Variants in SFMBT2 observed in about 807,000 individuals in gnomAD.
SFMBT2 encodes the protein Scm like with four mbt domains 2, also known as scm-like with four MBT domains protein 2.
SFMBT2 carries 38 observed loss-of-function variants against 110.1 expected under a neutral mutation model. The observed-to-expected ratio is 0.35, with a 90% CI of 0.27 to 0.45. The LOEUF (loss-of-function observed/expected upper bound fraction) is 0.45. Among genes scored for constraint, SFMBT2 ranks in the 20% least tolerant of loss-of-function variants. The pLI, the probability that SFMBT2 is intolerant of heterozygous loss-of-function variation, is 1.00. For synonymous variants in SFMBT2, 425 were observed against 425.4 expected, an observed-to-expected ratio of 1.00 and a Z score of 0.01; for missense variants, 1,011 against 1,094.9, an observed-to-expected ratio of 0.92 and a Z score of 1.08.
At chr10:7,306,414 G>T (rs949458043) in intron 4 of SFMBT2, among the ~76,000 whole-genome samples, 2 of 152,210 alleles carry the variant, frequency 1.3e-5, no homozygotes, top group Admixed American at 6.5e-5. Flanking sequence ...TTGGAGCACA[G>T]CCACGTCATT....
chr10:7,368,274 C>T (rs146357824), intron 3 of SFMBT2: 146 of 910,754 alleles, frequency 1.6e-4, no homozygotes, highest in Middle Eastern at 1.1e-3. Context: ...GTGGACTACA[C>T]GGTTTTCAAG....
At chr10:7,340,220 A>G (rs1171579990) in intron 4 of SFMBT2, among the ~76,000 whole-genome samples, 1 of 152,160 alleles carries the variant, frequency 6.6e-6, no homozygotes, top group East Asian at 1.9e-4. Context: ...AAGCGAAAAT[A>G]TATTTAGCAT....
intron 4 of SFMBT2, among the ~76,000 whole-genome samples, chr10:7,315,266 C>T (rs1021634396): frequency 1.3e-5 from 2 of 152,122 alleles, no homozygotes; most frequent in African/African-American, 4.8e-5. Flanking sequence ...TTCTGGCTGA[C>T]ATTAGCATTT....
At chr10:7,342,743 C>T (rs1382067310) in intron 4 of SFMBT2, among the ~76,000 whole-genome samples, 1 of 152,126 alleles carries the variant, frequency 6.6e-6, no homozygotes, top group Non-Finnish European at 1.5e-5. Flanking sequence ...TACCTAACTC[C>T]ATTATTAAAA....
Position 7,363,424 on chromosome 10 carries a change from C to T in SFMBT2, c.436+4225G>A, listed in dbSNP as rs1053814977. On this transcript the variant is annotated intron_variant, in intron 4 of 20. Transcript: ENST00000397167. ...AGTGCAGTGGCGCGATCTCGGCTCA[C>T]GGCAACCTTTGCCTCCTGGGTTCAA... 2.6e-5 allele frequency among the ~76,000 whole-genome samples: 4 copies of T among 151,990 alleles called. No individual in the cohort carries two copies. In the East Asian group the frequency reaches 5.8e-4, roughly 22 times the overall value.
intron 3 of SFMBT2, among the ~76,000 whole-genome samples, chr10:7,369,202 T>C (rs1321398510): frequency 1.3e-5 from 2 of 152,198 alleles, no homozygotes; most frequent in African/African-American, 4.8e-5. Context: ...AAGTTCTGGC[T>C]TCTTCATTCA....
intron 4 of SFMBT2, among the ~76,000 whole-genome samples, chr10:7,345,300 T>G (rs1844074249): frequency 6.6e-6 from 1 of 152,186 alleles, no homozygotes. Flanking sequence ...AATACATAAT[T>G]ATCTCCTACA....
chr10:7,197,973 G>T (rs1048797654), intron 14 of SFMBT2: 3 of 984,672 alleles, frequency 3.0e-6, no homozygotes, highest in Non-Finnish European at 3.6e-6. Flanking sequence ...TTGAGAAAGA[G>T]GCGCTGTGTC....
intron 7 of SFMBT2, among the ~76,000 whole-genome samples, chr10:7,268,227 T>C (rs74411071): frequency 0.011 from 1,730 of 152,316 alleles, 31 homozygotes; most frequent in African/African-American, 0.039. Flanking sequence ...AATCCTTTAG[T>C]GGTCTCTTAG....
At chr10:7,300,036 A>G (rs972560626) in intron 4 of SFMBT2, among the ~76,000 whole-genome samples, 5 of 152,172 alleles carry the variant, frequency 3.3e-5, no homozygotes, top group Non-Finnish European at 5.9e-5. Context: ...TGAAGCTGGA[A>G]GTCATCATCC....
At chr10:7,207,186 C>T (rs1228025800) in intron 11 of SFMBT2, among the ~76,000 whole-genome samples, 1 of 151,980 alleles carries the variant, frequency 6.6e-6, no homozygotes, top group South Asian at 2.1e-4. Flanking sequence ...ATGAAGACAC[C>T]TTGTCTCTAC....
chr10:7,329,424 AC>A, intron 4 of SFMBT2: 1 of 985,154 alleles, frequency 1.0e-6, no homozygotes, highest in Non-Finnish European at 1.2e-6. Flanking sequence ...GGTGCTAAAG[AC>A]ATCCCCACAA....
chr10:7,258,278 G>A (rs111641195), intron 7 of SFMBT2, among the ~76,000 whole-genome samples: 403 of 152,246 alleles, frequency 2.6e-3, no homozygotes, highest in African/African-American at 8.8e-3. Context: ...AAAAGCTGCA[G>A]GAAATTCTCC....
intron 15 of SFMBT2, among the ~76,000 whole-genome samples, chr10:7,191,288 C>CA (rs1285315463): frequency 6.6e-6 from 1 of 152,212 alleles, no homozygotes; most frequent in Non-Finnish European, 1.5e-5. Flanking sequence ...TTTCTGTGTC[C>CA]ACAATGTCCC....
intron 9 of SFMBT2, among the ~76,000 whole-genome samples, chr10:7,232,431 T>G (rs1435259329): frequency 1.3e-5 from 2 of 151,350 alleles, no homozygotes; most frequent in Non-Finnish European, 2.9e-5. Context: ...CTGGTAACAC[T>G]GGAGGAAAAA....
chr10:7,338,440 T>G (rs1161063643), intron 4 of SFMBT2, among the ~76,000 whole-genome samples: 1 of 152,216 alleles, frequency 6.6e-6, no homozygotes, highest in Non-Finnish European at 1.5e-5. Flanking sequence ...TGAACACATA[T>G]TTTGTATGTT....
rs969391352 is a variant in SFMBT2, at chr10:7,405,495, T to C, written c.-52+5366A>G. Among the ~76,000 whole-genome samples the C allele has an allele frequency of 4.6e-5, 7 of 152,300 alleles. No homozygotes were observed. The East Asian group carries it at 5.8e-4, about 13-fold the overall frequency. ...ATGTGGAGCTTACCTCACTTAACAA[T>C]AGCACTTTACTCTGCAGCAGGGACC... On this transcript the variant is annotated intron_variant, in intron 1 of 20. Coordinates refer to ENST00000397167, the MANE Select transcript of SFMBT2 (RefSeq NM_001387889.1).
intron 10 of SFMBT2, among the ~76,000 whole-genome samples, chr10:7,221,076 T>G (rs1033339450): frequency 1.3e-5 from 2 of 151,242 alleles, no homozygotes; most frequent in Non-Finnish European, 2.9e-5. Context: ...TCCACCTGCC[T>G]CAGCCTCCCA....
At chr10:7,228,760 CT>C (rs1441370239) in intron 9 of SFMBT2, among the ~76,000 whole-genome samples, 6 of 132,814 alleles carry the variant, frequency 4.5e-5, no homozygotes, top group African/African-American at 1.5e-4. Flanking sequence ...CTCTCTCTCT[CT>C]CTCTCTCTCT....
Sources: gnomAD v4.1 joint callset for allele counts (sites outside exome capture counted in the v4.1 genomes callset) on GRCh38, gnomAD v4.1.1 for gene constraint, MANE v1.5 for transcripts, NCBI Gene and HGNC (gene_info 2026-07-23, HGNC 2026-07-21) for gene names.